CDH13: variants seen among roughly 807,000 people sequenced by gnomAD.
CDH13 encodes cadherin-13.
A neutral mutation model predicts 63.8 loss-of-function variants in CDH13; 24 were observed. The ratio of observed to expected loss-of-function variants is 0.38; its 90% CI spans 0.27 to 0.53. The LOEUF (loss-of-function observed/expected upper bound fraction) is 0.53. Ranked by LOEUF, CDH13 falls within the 20% of genes least tolerant of loss-of-function variation. CDH13 has a pLI of 0.85. For missense variants in CDH13, 1,049 were observed against 903.1 expected (o/e 1.16, Z -2.07); for synonymous variants, 503 against 355.3 (o/e 1.42, Z -4.67).
In CDH13 at chr16:82,914,058, G is replaced by C. The variant is rs148547459; in HGVS notation, c.157+55585G>C. On this transcript the variant is annotated intron_variant, in intron 2 of 13. Transcript: ENST00000567109. ...AAGAGCAATGACTTGGTCAGGATGA[G>C]GGTGGGCATGGAGCTCTGAGGAAGG... Among the ~76,000 whole-genome samples the C allele has an allele frequency of 3.6e-3, 541 of 152,198 alleles. 2 individuals carry two copies. The highest frequency in any genetic ancestry group is 0.012 in the African/African-American group (500 of 41,512).
At chr16:82,805,744 G>T (rs1300525349) in intron 1 of CDH13, among the ~76,000 whole-genome samples, 4 of 152,136 alleles carry the variant, frequency 2.6e-5, no homozygotes, top group Non-Finnish European at 5.9e-5. Flanking sequence ...GAATTCTTAG[G>T]AGCATCCAAG....
At chr16:82,851,148 C>T (rs1256535328) in intron 1 of CDH13, among the ~76,000 whole-genome samples, 1 of 152,042 alleles carries the variant, frequency 6.6e-6, no homozygotes, top group Non-Finnish European at 1.5e-5. Context: ...GTGAAAGCAA[C>T]AATAGGGCCA....
intron 8 of CDH13, among the ~76,000 whole-genome samples, chr16:83,627,679 T>A (rs1374614576): frequency 2.0e-5 from 3 of 152,048 alleles, no homozygotes; most frequent in Non-Finnish European, 4.4e-5. Context: ...GCCCCCCAAG[T>A]AGCTGGGGTT....
In CDH13 at chr16:83,779,954, C is replaced by G. The variant is rs777307004; in HGVS notation, c.1682-14C>G. The G allele has an allele frequency of 3.1e-6, 5 of 1,591,692 alleles. No individual in the cohort carries two copies. The Admixed American group carries it at 8.4e-5, about 27-fold the overall frequency. ...ATACCAGTTGCATACCAACATCTTC[C>G]CTTTTTCCCACAGGCAACCCTCCCG... is the stretch of plus-strand genomic sequence containing the variant. On this transcript the variant is annotated splice_polypyrimidine_tract_variant and intron_variant, in intron 11 of 13. Transcript: ENST00000567109.
intron 10 of CDH13, among the ~76,000 whole-genome samples, chr16:83,695,186 A>C (rs1488956144): frequency 1.3e-5 from 2 of 152,180 alleles, no homozygotes; most frequent in Non-Finnish European, 2.9e-5. Context: ...CAGCCTGGGC[A>C]ACAGACTGAG....
rs77303244 is a variant in CDH13 at position 83,749,844 on chromosome 16, A to G, written c.1681+1594A>G. Among the ~76,000 whole-genome samples, 512 of 152,324 alleles carry G rather than the reference A, an allele frequency of 3.4e-3. 4 individuals carry two copies. Among genetic ancestry groups the G allele is most frequent in the African/African-American group, 0.012 (496 of 41,580 alleles). Reference sequence around the variant, plus strand: ...GAAGCCCCTGTCCAGCCTGGGGGGTAGTCATGGAGAGCTGCCTGAGAGAGG... The same window carrying G: ...GAAGCCCCTGTCCAGCCTGGGGGGTGGTCATGGAGAGCTGCCTGAGAGAGG... On this transcript the variant is annotated intron_variant, in intron 11 of 13. Coordinates refer to ENST00000567109, the MANE Select transcript of CDH13 (RefSeq NM_001257.5).
At chr16:83,012,998 G>C (rs953590790) in intron 2 of CDH13, among the ~76,000 whole-genome samples, 1 of 152,208 alleles carries the variant, frequency 6.6e-6, no homozygotes, top group Non-Finnish European at 1.5e-5. Context: ...TCATGGAACT[G>C]ATGGTGCAGA....
Position 83,656,138 on chromosome 16 carries a change from G to T in CDH13, c.1102-14652G>T, listed in dbSNP as rs112094531. 2.1e-3 allele frequency among the ~76,000 whole-genome samples: 326 copies of T among 152,232 alleles called. 2 individuals carry two copies. Among genetic ancestry groups the T allele is most frequent in the African/African-American group, 7.3e-3 (305 of 41,532 alleles). ...GCAACCATAAGTCTGTTTTCTGTCT[G>T]TCTGAGTTTGCCTCACAGATATTTC... is the stretch of plus-strand genomic sequence containing the variant. On this transcript the variant is annotated intron_variant, in intron 8 of 13. Coordinates refer to ENST00000567109, the MANE Select transcript of CDH13 (RefSeq NM_001257.5).
chr16:83,592,175 C>T (rs1906824329), intron 7 of CDH13, among the ~76,000 whole-genome samples: 1 of 152,216 alleles, frequency 6.6e-6, no homozygotes, highest in African/African-American at 2.4e-5. Flanking sequence ...CACCATCCCG[C>T]ACAATGCCTA....
intron 5 of CDH13, among the ~76,000 whole-genome samples, chr16:83,231,905 C>A (rs142659265): frequency 6.6e-6 from 1 of 152,056 alleles, no homozygotes; most frequent in Non-Finnish European, 1.5e-5. Context: ...CCTTGGCGAC[C>A]GAGTTCTTGC....
At chr16:83,429,162 T>A (rs962761350) in intron 6 of CDH13, among the ~76,000 whole-genome samples, 4 of 152,220 alleles carry the variant, frequency 2.6e-5, no homozygotes, top group Non-Finnish European at 5.9e-5. Context: ...AGACTTTCTA[T>A]AAGACTGGAT....
chr16:83,210,014 C>G (rs896801267), intron 4 of CDH13, among the ~76,000 whole-genome samples: 3 of 152,038 alleles, frequency 2.0e-5, no homozygotes, highest in African/African-American at 7.2e-5. Context: ...AAGAAGAGCT[C>G]TGAGATTTTA....
intron 2 of CDH13, among the ~76,000 whole-genome samples, chr16:82,919,962 G>T (rs767188955): frequency 3.3e-5 from 5 of 152,352 alleles, no homozygotes; most frequent in South Asian, 2.1e-4. Flanking sequence ...GCAATAGTGA[G>T]ATTTGTTTGA....
At chr16:83,558,487 G>A (rs1489964006) in intron 7 of CDH13, among the ~76,000 whole-genome samples, 2 of 152,214 alleles carry the variant, frequency 1.3e-5, no homozygotes, top group African/African-American at 2.4e-5. Context: ...CATGAATAAT[G>A]TATGTATAAT....
intron 6 of CDH13, among the ~76,000 whole-genome samples, chr16:83,452,498 C>T (rs1053898902): frequency 1.3e-5 from 2 of 151,932 alleles, no homozygotes; most frequent in African/African-American, 4.8e-5. Context: ...ATGATTTTAG[C>T]ATCACGTGGC....
At chr16:83,242,487 T>C (rs1904562733) in intron 5 of CDH13, among the ~76,000 whole-genome samples, 1 of 152,148 alleles carries the variant, frequency 6.6e-6, no homozygotes, top group African/African-American at 2.4e-5. Flanking sequence ...TAGGCCAAGT[T>C]TTTCTAAATC....
At chr16:83,498,525 C>G (rs1182214139) in intron 7 of CDH13, among the ~76,000 whole-genome samples, 3 of 152,160 alleles carry the variant, frequency 2.0e-5, no homozygotes, top group African/African-American at 7.2e-5. Flanking sequence ...ATGTGTCTTA[C>G]ATATCACCAT....
rs758063450 is a variant in CDH13 at position 83,344,927 on chromosome 16, T to C, written c.702T>C (p.Ile234=). The C allele has an allele frequency of 1.9e-5, 30 of 1,613,876 alleles. No homozygotes were observed. The highest frequency in any genetic ancestry group is 2.4e-5 in the Non-Finnish European group (28 of 1,179,854). Residue 234 remains isoleucine, a synonymous_variant, in exon 6 of 14, where the codon ATT becomes ATC. Transcript: ENST00000567109. ...TLEGPVPLEV[I]VIDQNDNRPI... ...AGGGGCCGGTGCCTCTGGAAGTCATTGTGATTGATCAGAATGACAACCGAC... is the reference window on the plus strand; with the variant it reads ...AGGGGCCGGTGCCTCTGGAAGTCATCGTGATTGATCAGAATGACAACCGAC...
chr16:82,953,875 C>T (rs1905654904), intron 2 of CDH13: 1 of 152,080 alleles, frequency 6.6e-6, no homozygotes, highest in Non-Finnish European at 1.5e-5. Context: ...TAGTAGGTAA[C>T]AATTATTAAG....
Sources: allele counts gnomAD v4.1 joint callset (sites outside exome capture counted in the v4.1 genomes callset), GRCh38; gene constraint gnomAD v4.1.1; transcripts MANE v1.5; gene names NCBI Gene and HGNC (gene_info 2026-07-23, HGNC 2026-07-21).